APOO: variants seen among roughly 807,000 people sequenced by gnomAD.
The protein encoded by APOO is MICOS complex subunit MIC26.
Under a neutral mutation model 23.1 loss-of-function variants are expected in APOO, and 11 were observed. The observed-to-expected ratio is 0.48, with a 90% CI of 0.30 to 0.79. APOO has a LOEUF of 0.79. Ranked by LOEUF, APOO falls within the 30% of genes least tolerant of loss-of-function variation. The pLI is 0.07. For missense variants in APOO, 160 were observed against 142.7 expected (o/e 1.12, Z -0.62); for synonymous variants, 59 against 54.8 (o/e 1.08, Z -0.34).
rs1042351843 is a variant in APOO, at chrX:23,858,643, T to C, written c.479A>G (p.Gln160Arg). The C allele has an allele frequency of 1.7e-6, 2 of 1,207,357 alleles. No individual in the cohort carries two copies. Among genetic ancestry groups the C allele is most frequent in the Non-Finnish European group, 2.2e-6 (2 of 893,792 alleles). ...CATGGATTACAGAGTTTCTCTTACC[T>C]GGGCAAACACGATGGCTTGTTGTGG... is the stretch of plus-strand genomic sequence containing the variant. The part of the protein sequence containing the change: ...YYPQQAIVFA[Q>R]VSGERLYDWG... Residue 160 changes from glutamine (Q) to arginine (R), a missense_variant and splice_region_variant, in exon 6 of 9, where the codon CAG (glutamine) becomes CGG (arginine). Gln to Arg is a conservative substitution (Grantham distance 43). Transcript: ENST00000379226.
At chrX:23,849,054 T>C (rs976182996) in intron 7 of APOO, among the ~76,000 whole-genome samples, 1 of 109,067 alleles carries the variant, frequency 9.2e-6, no homozygotes, top group Non-Finnish European at 1.9e-5. Flanking sequence ...AGACAGGGTT[T>C]CACCGTCTTA....
chrX:23,875,391 A>AT (rs1188105991), intron 3 of APOO, among the ~76,000 whole-genome samples: 32 of 102,891 alleles, frequency 3.1e-4, no homozygotes, highest in African/African-American at 8.1e-4. Context: ...TTGGGAAAGG[A>AT]TTTTTTTTTT....
intron 7 of APOO, among the ~76,000 whole-genome samples, chrX:23,847,991 C>G (rs767605183): frequency 9.2e-6 from 1 of 108,684 alleles, no homozygotes; most frequent in South Asian, 4.0e-4. Context: ...ATTCTCCTGC[C>G]TCAGCTTCCC....
chrX:23,882,751 A>G (rs1033027311), intron 1 of APOO, among the ~76,000 whole-genome samples: 9 of 108,177 alleles, frequency 8.3e-5, no homozygotes, highest in Non-Finnish European at 1.3e-4. Context: ...AGGTTCAAGC[A>G]CTCCTCCTGT....
At chrX:23,879,832 C>T (rs1926030000) in intron 2 of APOO, among the ~76,000 whole-genome samples, 1 of 111,516 alleles carries the variant, frequency 9.0e-6, no homozygotes, top group Admixed American at 9.6e-5. Context: ...CTGCTGGCTG[C>T]CTTCTTTACC....
At chrX:23,877,014 A>G (rs752308140) in intron 3 of APOO, among the ~76,000 whole-genome samples, 1 of 112,216 alleles carries the variant, frequency 8.9e-6, no homozygotes, top group East Asian at 2.8e-4. Context: ...AAACATATAG[A>G]TAACTAATCC....
At chrX:23,884,982 C>G (rs755492900) in intron 1 of APOO, among the ~76,000 whole-genome samples, 54 of 111,516 alleles carry the variant, frequency 4.8e-4, no homozygotes, top group Non-Finnish European at 3.8e-4. Context: ...CTAAAGTAGG[C>G]AAACTTAGAA....
chrX:23,837,545 T>C (rs1035886686), intron 8 of APOO, among the ~76,000 whole-genome samples: 1 of 109,086 alleles, frequency 9.2e-6, no homozygotes, highest in Admixed American at 9.9e-5. Context: ...TAAAACAATA[T>C]GTGGAATATG....
chrX:23,835,612 A>G (rs1205977422), intron 8 of APOO, among the ~76,000 whole-genome samples: 2 of 111,899 alleles, frequency 1.8e-5, no homozygotes, highest in African/African-American at 6.5e-5. Flanking sequence ...TTAAGCAACT[A>G]GAGAAGGAAT....
At chrX:23,868,186 C>T (rs766487431) in intron 5 of APOO, among the ~76,000 whole-genome samples, 1 of 112,080 alleles carries the variant, frequency 8.9e-6, no homozygotes, top group African/African-American at 3.2e-5. Flanking sequence ...TTTTTGTCAT[C>T]ACTGACTGAA....
At chrX:23,843,088 G>A (rs1464188592) in intron 7 of APOO, among the ~76,000 whole-genome samples, 3 of 111,731 alleles carry the variant, frequency 2.7e-5, no homozygotes, top group Admixed American at 9.6e-5. Flanking sequence ...TTAACATACT[G>A]CTTGCCAAAT....
intron 1 of APOO, among the ~76,000 whole-genome samples, chrX:23,892,088 AT>A (rs763360978): frequency 0.031 from 3,184 of 104,320 alleles, 53 homozygotes; most frequent in Middle Eastern, 0.049. Context: ...ATGAAAATAA[AT>A]TTTTTTTTTT....
intron 1 of APOO, among the ~76,000 whole-genome samples, chrX:23,891,234 T>C (rs1263713955): frequency 5.4e-5 from 6 of 110,911 alleles, no homozygotes; most frequent in African/African-American, 2.0e-4. Context: ...TTCTTTCTTT[T>C]TTTTTTCTTT....
chrX:23,853,527 C>A (rs1924639857), intron 7 of APOO, among the ~76,000 whole-genome samples: 1 of 110,374 alleles, frequency 9.1e-6, no homozygotes, highest in Non-Finnish European at 1.9e-5. Flanking sequence ...CTAGGATGGT[C>A]TCGATCTCCT....
intron 5 of APOO, among the ~76,000 whole-genome samples, 189 bp from the exon 6 acceptor site, chrX:23,858,922 C>A (rs1924897345): frequency 9.0e-6 from 1 of 111,497 alleles, no homozygotes; most frequent in Admixed American, 9.6e-5. Flanking sequence ...GCAACATAGT[C>A]AGATCCTGTC....
intron 5 of APOO, 35 bp downstream of exon 5, chrX:23,868,558 T>C: frequency 9.2e-7 from 1 of 1,082,105 alleles, no homozygotes; most frequent in East Asian, 3.0e-5. Flanking sequence ...CTCTGCTTTA[T>C]GAGCTGACTG....
chrX:23,892,612 C>A (rs1025336793), intron 1 of APOO, among the ~76,000 whole-genome samples: 2 of 107,428 alleles, frequency 1.9e-5, no homozygotes, highest in Non-Finnish European at 3.8e-5. Flanking sequence ...ACTAAAAATA[C>A]AAAAAATTAG....
chrX:23,890,296 CT>C (rs1245703846), intron 1 of APOO, among the ~76,000 whole-genome samples: 1 of 111,811 alleles, frequency 8.9e-6, no homozygotes, highest in Non-Finnish European at 1.9e-5. Flanking sequence ...CCCTCCACCC[CT>C]AATTCCCTCT....
intron 4 of APOO, among the ~76,000 whole-genome samples, chrX:23,872,055 C>G (rs941502700): frequency 3.6e-5 from 4 of 111,572 alleles, no homozygotes; most frequent in African/African-American, 1.3e-4. Context: ...TTTTTTACTT[C>G]CCTTTATTTT....
Sources: allele counts gnomAD v4.1 joint callset (sites outside exome capture counted in the v4.1 genomes callset), GRCh38; gene constraint gnomAD v4.1.1; transcripts MANE v1.5; gene names NCBI Gene and HGNC (gene_info 2026-07-23, HGNC 2026-07-21).